GALNT6: variants seen among roughly 807,000 people sequenced by gnomAD.
The protein encoded by GALNT6 is GalNAc transferase 6.
In GALNT6, 51 loss-of-function variants were observed where a neutral mutation model predicts 65.9. The observed-to-expected ratio is 0.77, with a 90% CI of 0.62 to 0.98. GALNT6 has a LOEUF of 0.98. GALNT6 is among the 50% of genes least tolerant of loss of function. GALNT6 has a pLI of 0.00. For missense variants in GALNT6, 708 were observed against 803.3 expected, an observed-to-expected ratio of 0.88 and a Z score of 1.43; for synonymous variants, 323 against 315.1, an observed-to-expected ratio of 1.02 and a Z score of -0.26.
At chr12:51,358,077 T>A in intron 9 of GALNT6, 53 bp downstream of exon 9, 1 of 1,564,616 alleles carries the variant, frequency 6.4e-7, no homozygotes, top group South Asian at 1.1e-5. Context: ...GGTCTTGAAC[T>A]TCTCCAAGGG....
chr12:51,387,569 A>G lies in GALNT6; in HGVS notation c.-104+3281T>C, dbSNP rs952307703. Among the ~76,000 whole-genome samples, 1 of 152,296 alleles carries G rather than the reference A, an allele frequency of 6.6e-6. No homozygotes were observed. The highest frequency in any genetic ancestry group is 1.9e-4 in the East Asian group (1 of 5,188). ...GAAAAAGTCACCAAAAATCAAAATAATATGCCACCAAACAGGAGGTTCAAC... is the reference window on the plus strand; with the variant it reads ...GAAAAAGTCACCAAAAATCAAAATAGTATGCCACCAAACAGGAGGTTCAAC... On this transcript the variant is annotated intron_variant, in intron 2 of 11. Coordinates refer to ENST00000356317, the MANE Select transcript of GALNT6 (RefSeq NM_007210.4). This position sits in a 1 kb window ranked among gnomAD's most constrained non-coding sequence, Gnocchi z 4.2.
intron 11 of GALNT6, 111 bp from the exon 12 acceptor site, chr12:51,354,603 C>T: frequency 1.5e-6 from 1 of 647,850 alleles, no homozygotes; most frequent in Non-Finnish European, 2.7e-6. Context: ...CCCCACAAGG[C>T]ACAAAGAGGA....
In GALNT6 at chr12:51,371,054, AATTATTATT is replaced by A. The variant is rs66469959; in HGVS notation, c.665-5484_665-5476del. Among the ~76,000 whole-genome samples the A allele has an allele frequency of 6.8e-3, 981 of 144,410 alleles. 11 individuals carry two copies. The highest frequency in any genetic ancestry group is 0.015 in the South Asian group (66 of 4,450). 94.7% of individuals were successfully genotyped at this position (144,410 alleles called of 152,430 possible). ...ATTTGGTCCCGCTAGCCTTTTAAAA[AATTATTATT>A]ATTATTATTATTATTATTATTATTA... On this transcript the variant is annotated intron_variant, in intron 4 of 11. Coordinates refer to ENST00000356317, the MANE Select transcript of GALNT6 (RefSeq NM_007210.4).
At chr12:51,365,336 A>C (rs1355510401) in intron 5 of GALNT6, 94 bp downstream of exon 5, 1 of 1,223,072 alleles carries the variant, frequency 8.2e-7, no homozygotes, top group African/African-American at 1.5e-5. Context: ...CGGAAGAGAG[A>C]ACAGGAAGGG....
chr12:51,373,917 TG>T (rs1947369470), intron 4 of GALNT6, among the ~76,000 whole-genome samples: 1 of 152,234 alleles, frequency 6.6e-6, no homozygotes, highest in Non-Finnish European at 1.5e-5. Flanking sequence ...TGGAGTACAA[TG>T]GTGCAGTCAA....
At chr12:51,380,120 C>G (rs1947615307) in intron 2 of GALNT6, among the ~76,000 whole-genome samples, 1 of 152,126 alleles carries the variant, frequency 6.6e-6, no homozygotes, top group Non-Finnish European at 1.5e-5. Flanking sequence ...CACTGAAACA[C>G]TACATGAGAT....
Position 51,357,615 on chromosome 12 carries a change from G to C in GALNT6, c.1501-165C>G, listed in dbSNP as rs79706076. On this transcript the variant is annotated intron_variant, in intron 9 of 11. Transcript: ENST00000356317. ...CTCTGTGCGTTAACCCACATGCCTG[G>C]AGCTAACAGCAAAGTGAGCTGCAGA... 4.0e-3 allele frequency among the ~76,000 whole-genome samples: 614 copies of C among 152,350 alleles called. 7 individuals are homozygous for C. The highest frequency in any genetic ancestry group is 0.014 in the African/African-American group (576 of 41,576).
In GALNT6 at chr12:51,352,284, ACT is replaced by A. The variant is rs1946632144; in HGVS notation, c.*2093_*2094del. The A allele has an allele frequency of 6.6e-6, 1 of 151,916 alleles. No individual in the cohort carries two copies. The highest frequency in any genetic ancestry group is 1.5e-5 in the Non-Finnish European group (1 of 68,062). The allele number at this position is 151,916 out of a possible 1,614,324, so 9.4% of individuals were successfully genotyped here. ...CTTCCAGACACGCTCAACTCTGCAC[ACT>A]CTTCCTGCCGCCTCAGGCTTTCCAG... On this transcript the variant is annotated 3_prime_UTR_variant, in exon 12 of 12. Coordinates refer to ENST00000356317, the MANE Select transcript of GALNT6 (RefSeq NM_007210.4).
In GALNT6 at chr12:51,359,481, G is replaced by A. The variant is rs77024089; in HGVS notation, c.1168-149C>T. 1,225 of 572,604 alleles carry A rather than the reference G, an allele frequency of 2.1e-3. 40 individuals carry two copies. The East Asian group carries it at 0.034, about 16-fold the overall frequency. The allele number at this position is 572,604 out of a possible 1,614,324, so 35.5% of individuals were successfully genotyped here. A position where few individuals can be genotyped will look rare whatever the true frequency, so the allele number is the denominator to read the frequency against. On this transcript the variant is annotated intron_variant, in intron 7 of 11. Coordinates refer to ENST00000356317, the MANE Select transcript of GALNT6 (RefSeq NM_007210.4). ...CTCTCTCCCTGGGAAAAAGGATACC[G>A]ACCAGGCTTCTTCCTAGGCCATGAC... is the stretch of plus-strand genomic sequence containing the variant.
At chr12:51,376,125 AAAGTGCTGAAATTACAG>A (rs1565727761) in intron 4 of GALNT6, among the ~76,000 whole-genome samples, 2 of 151,964 alleles carry the variant, frequency 1.3e-5, no homozygotes, top group Non-Finnish European at 2.9e-5. Flanking sequence ...TCAGCCTCCC[AAAGTGCTGAAATTACAG>A]GCTTGAGCCA....
rs572456064 is a variant in GALNT6, at chr12:51,351,696, C to T, written c.*2683G>A. 4 of 152,334 alleles carry T rather than the reference C, an allele frequency of 2.6e-5. No individual in the cohort carries two copies. Among genetic ancestry groups the T allele is most frequent in the East Asian group, 3.9e-4 (2 of 5,182 alleles). The allele number at this position is 152,334 out of a possible 1,614,324, so 9.4% of individuals were successfully genotyped here. A position where few individuals can be genotyped will look rare whatever the true frequency, so the allele number is the denominator to read the frequency against. On this transcript the variant is annotated 3_prime_UTR_variant, in exon 12 of 12. Transcript: ENST00000356317. ...TCCACGGGGACAGGACCTCGTTTGA[C>T]GTCTCACGTCTCCACGTGCTTGACA...
chr12:51,369,889 C>T (rs1365178201), intron 4 of GALNT6, among the ~76,000 whole-genome samples: 1 of 152,188 alleles, frequency 6.6e-6, no homozygotes, highest in African/African-American at 2.4e-5. Flanking sequence ...TCTCCTCAAT[C>T]TATTCTTGAC....
At chr12:51,385,100 T>C (rs1272206735) in intron 2 of GALNT6, among the ~76,000 whole-genome samples, 1 of 152,118 alleles carries the variant, frequency 6.6e-6, no homozygotes, top group Non-Finnish European at 1.5e-5. Flanking sequence ...AGGATCCTCC[T>C]ACCTCAGCCT....
At chr12:51,373,636 G>A (rs1175913608) in intron 4 of GALNT6, among the ~76,000 whole-genome samples, 1 of 152,176 alleles carries the variant, frequency 6.6e-6, no homozygotes, top group Non-Finnish European at 1.5e-5. Flanking sequence ...GGGTTAGGAG[G>A]AGAAAGATAA....
At chr12:51,381,901 C>T (rs1339697321) in intron 2 of GALNT6, among the ~76,000 whole-genome samples, 1 of 152,270 alleles carries the variant, frequency 6.6e-6, no homozygotes, top group African/African-American at 2.4e-5. Flanking sequence ...TCATTACTCC[C>T]TGCATGTTTT....
chr12:51,362,189 C>T (rs1041267945), intron 6 of GALNT6, among the ~76,000 whole-genome samples: 1 of 152,206 alleles, frequency 6.6e-6, no homozygotes, highest in South Asian at 2.1e-4. Flanking sequence ...TGCTTCCTCC[C>T]CCACAGGCCC....
chr12:51,391,582 G>A (rs544887197), upstream of GALNT6: 296 of 152,280 alleles, frequency 1.9e-3, no homozygotes, highest in Admixed American at 4.2e-3. Context: ...GAGGGTCGCG[G>A]GCTCCTTCTG....
intron 2 of GALNT6, among the ~76,000 whole-genome samples, chr12:51,383,921 C>T (rs1947749548): frequency 6.6e-6 from 1 of 152,088 alleles, no homozygotes; most frequent in Admixed American, 6.5e-5. Flanking sequence ...CCTCCACCAG[C>T]CTTGGAGAAA....
At chr12:51,358,301 G>GTTTT in intron 8 of GALNT6, 40 bp from the exon 9 acceptor site, 247 of 1,445,940 alleles carry the variant, frequency 1.7e-4, no homozygotes, top group South Asian at 5.1e-4. Context: ...AGTTCCACCA[G>GTTTT]TTTTTTTTTT....
Sources: allele counts gnomAD v4.1 joint callset (sites outside exome capture counted in the v4.1 genomes callset), GRCh38; gene constraint gnomAD v4.1.1; non-coding constraint Gnocchi (gnomAD v3.1); transcripts MANE v1.5; gene names NCBI Gene and HGNC (gene_info 2026-07-23, HGNC 2026-07-21).